TAF2: variants seen among roughly 807,000 people sequenced by gnomAD.
TAF2 encodes the protein TATA-box binding protein associated factor 2.
TAF2 carries 61 observed loss-of-function variants against 138.5 expected under a neutral mutation model. That is an observed-to-expected ratio of 0.44 (90% confidence interval 0.36 to 0.54). TAF2 has a LOEUF of 0.54. Ranked by LOEUF, TAF2 falls within the 20% of genes least tolerant of loss-of-function variation. The probability of loss-of-function intolerance (pLI) is 0.00; values close to 1 mark genes in which losing one functional copy is unlikely to be tolerated. For synonymous variants in TAF2, 475 were observed against 469.9 expected (o/e 1.01, Z -0.14); for missense variants, 1,090 against 1,427.9 (o/e 0.76, Z 3.81).
Position 119,744,651 on chromosome 8 carries a change from G to A in TAF2, c.3109-258C>T, listed in dbSNP as rs529055829. Reference sequence around the variant, plus strand: ...TACTCCTATTTTGTGAGAAAAAGTAGTGAGTTGTGGTGGAACGTGCACACA... The same window carrying A: ...TACTCCTATTTTGTGAGAAAAAGTAATGAGTTGTGGTGGAACGTGCACACA... On this transcript the variant is annotated intron_variant, in intron 23 of 25. Coordinates refer to ENST00000378164, the MANE Select transcript of TAF2 (RefSeq NM_003184.4). 349 of 487,680 alleles carry A rather than the reference G, an allele frequency of 7.2e-4. 4 individuals are homozygous for A. The highest frequency in any genetic ancestry group is 7.1e-3 in the South Asian group (334 of 47,346). 30.2% of individuals were successfully genotyped at this position (487,680 alleles called of 1,614,324 possible).
chr8:119,788,991 A>T (rs1823230474), intron 12 of TAF2, 87 bp from the exon 13 acceptor site: 1 of 895,422 alleles, frequency 1.1e-6, no homozygotes, highest in Non-Finnish European at 1.9e-6. Context: ...AATAATTTTC[A>T]AGTGCATTCC....
At chr8:119,816,272 T>C (rs1825469717) in intron 3 of TAF2, among the ~76,000 whole-genome samples, 2 of 151,710 alleles carry the variant, frequency 1.3e-5, no homozygotes, top group African/African-American at 4.8e-5. Context: ...TTAGCCAGGA[T>C]AGTCTCGATC....
intron 3 of TAF2, among the ~76,000 whole-genome samples, chr8:119,809,998 T>TAAAAAAAAAA (rs56281726): frequency 2.5e-5 from 3 of 117,672 alleles, no homozygotes; most frequent in Non-Finnish European, 3.5e-5. Context: ...CTTCAATTTG[T>TAAAAAAAAAA]AAAAAAAAAA....
chr8:119,817,458 C>A (rs556547726), intron 3 of TAF2, among the ~76,000 whole-genome samples: 1 of 152,300 alleles, frequency 6.6e-6, no homozygotes, highest in African/African-American at 2.4e-5. Flanking sequence ...TCATCCAAAA[C>A]CCCCTCTGCC....
At chr8:119,773,008 T>A (rs1055293606) in intron 18 of TAF2, among the ~76,000 whole-genome samples, 1 of 149,646 alleles carries the variant, frequency 6.7e-6, no homozygotes, top group South Asian at 2.1e-4. Context: ...AAAGCACTTA[T>A]GGTACCAAGA....
At position 119,806,308 on chromosome 8, in the gene TAF2, T is replaced by G. The variant is rs1025627626; in HGVS notation, c.393A>C (p.Pro131=). Residue 131 remains proline, a synonymous_variant, in exon 4 of 26, where the codon CCA becomes CCC. Coordinates refer to ENST00000378164, the MANE Select transcript of TAF2 (RefSeq NM_003184.4). ...AGNGELCIKV[P]SELWKHVDEL... is the part of the protein sequence containing the mutation. ...CATCAACGTGTTTCCATAGCTCTGA[T>G]GGAACCTTAATGCAAAGTTCTCCAT... 1.2e-6 allele frequency: 2 copies of G among 1,613,938 alleles called. No individual in the cohort carries two copies. Among genetic ancestry groups the G allele is most frequent in the Non-Finnish European group, 1.7e-6 (2 of 1,179,964 alleles).
intron 3 of TAF2, among the ~76,000 whole-genome samples, chr8:119,809,750 A>G (rs1824907016): frequency 6.6e-6 from 1 of 152,204 alleles, no homozygotes; most frequent in South Asian, 2.1e-4. Flanking sequence ...GTCAGAACAC[A>G]CACAATGTTT....
In TAF2 at chr8:119,788,410, G is replaced by C; in HGVS notation, c.1721C>G (p.Ser574Cys). ...TTCAATTTGCAGTGTATGATTGAAGGATCCATCTAACTCCTGCACTGTCAC... is the reference window on the plus strand; with the variant it reads ...TTCAATTTGCAGTGTATGATTGAAGCATCCATCTAACTCCTGCACTGTCAC... Reference protein sequence around the residue: ...LKVTVQELDGSFNHTLQIEEN... With the variant: ...LKVTVQELDGCFNHTLQIEEN... The change falls in exon 14 of 26, where the codon TCC (serine) becomes TGC (cysteine). Residue 574 changes from serine (S) to cysteine (C), a missense_variant. This residue lies in a region of TAF2 where 504 missense variants were observed against 680.9 expected (regional missense o/e 0.74). Coordinates refer to ENST00000378164, the MANE Select transcript of TAF2 (RefSeq NM_003184.4). The C allele has an allele frequency of 6.2e-7, 1 of 1,613,120 alleles. No individual in the cohort carries two copies. The highest frequency in any genetic ancestry group is 8.5e-7 in the Non-Finnish European group (1 of 1,179,790).
chr8:119,760,264 A>G (rs1820972485), intron 20 of TAF2, among the ~76,000 whole-genome samples: 1 of 152,176 alleles, frequency 6.6e-6, no homozygotes, highest in Non-Finnish European at 1.5e-5. Context: ...TTTCACAGAC[A>G]CAAATTTTTA....
intron 8 of TAF2, among the ~76,000 whole-genome samples, chr8:119,796,350 G>C (rs1178122505): frequency 6.6e-6 from 1 of 151,894 alleles, no homozygotes; most frequent in East Asian, 1.9e-4. Context: ...ACTATATATA[G>C]TATAGAATGT....
intron 10 of TAF2, among the ~76,000 whole-genome samples, chr8:119,792,800 T>C (rs1823534164): frequency 6.6e-6 from 1 of 152,144 alleles, no homozygotes; most frequent in Non-Finnish European, 1.5e-5. Context: ...TGAGGACACA[T>C]TCTTTCCCGC....
Position 119,813,981 on chromosome 8 carries a change from G to A in TAF2, c.299+5365C>T, listed in dbSNP as rs530893451. Among the ~76,000 whole-genome samples, 18 of 152,020 alleles carry A rather than the reference G, an allele frequency of 1.2e-4. No homozygotes were observed. In the South Asian group the frequency reaches 2.3e-3, roughly 19 times the overall value. ...AAAATAAAAAATTAATTAATTAACC[G>A]AACGTGGTGGCATGCACATATTGTT... is the stretch of plus-strand genomic sequence containing the variant. On this transcript the variant is annotated intron_variant, in intron 3 of 25. Coordinates refer to ENST00000378164, the MANE Select transcript of TAF2 (RefSeq NM_003184.4).
chr8:119,781,540 C>T (rs1822653193), intron 16 of TAF2, among the ~76,000 whole-genome samples: 1 of 152,040 alleles, frequency 6.6e-6, no homozygotes, highest in African/African-American at 2.4e-5. Flanking sequence ...ATTAGCCGGG[C>T]ATGATGGCGG....
At chr8:119,778,198 T>A in intron 17 of TAF2, 69 bp from the exon 18 acceptor site, 1 of 941,754 alleles carries the variant, frequency 1.1e-6, no homozygotes, top group Non-Finnish European at 1.7e-6. Context: ...TTCATTGAAC[T>A]ATAAATAGAA....
intron 3 of TAF2, among the ~76,000 whole-genome samples, chr8:119,808,815 A>G (rs1586502121): frequency 6.6e-6 from 1 of 152,334 alleles, no homozygotes; most frequent in East Asian, 1.9e-4. Flanking sequence ...TCTGACCAGT[A>G]ATCTCAACAG....
chr8:119,789,773 T>A (rs1823287168), intron 11 of TAF2, 27 bp from the exon 12 acceptor site: 2 of 1,604,888 alleles, frequency 1.2e-6, no homozygotes, highest in East Asian at 4.5e-5. Context: ...ATTTAGTAAA[T>A]TCATATAACA....
At chr8:119,733,288 T>G (rs1472182936) in intron 25 of TAF2, among the ~76,000 whole-genome samples, 1 of 152,164 alleles carries the variant, frequency 6.6e-6, no homozygotes, top group African/African-American at 2.4e-5. Context: ...AAATGAACTC[T>G]AAGAAGATTC....
chr8:119,737,970 G>C (rs185227050), intron 25 of TAF2, among the ~76,000 whole-genome samples: 1 of 151,948 alleles, frequency 6.6e-6, no homozygotes, highest in Non-Finnish European at 1.5e-5. Context: ...GCAGTAACAG[G>C]AGAACAAATC....
chr8:119,736,441 ACT>A lies in TAF2; in HGVS notation c.3338-4257_3338-4256del, dbSNP rs573616316. On this transcript the variant is annotated intron_variant, in intron 25 of 25. Transcript: ENST00000378164. ...AGGAAGTTAAAATCTTGTCAAATGAACTCAGTCCAAAGATGGAACAAATTGAA... is the reference window on the plus strand; with the variant it reads ...AGGAAGTTAAAATCTTGTCAAATGAACAGTCCAAAGATGGAACAAATTGAA... Among the ~76,000 whole-genome samples the A allele has an allele frequency of 6.6e-4, 100 of 152,354 alleles. No homozygotes were observed. In the Middle Eastern group the frequency reaches 0.051, roughly 78 times the overall value.
Sources: allele counts gnomAD v4.1 joint callset (sites outside exome capture counted in the v4.1 genomes callset), GRCh38; gene constraint gnomAD v4.1.1; regional missense constraint gnomAD v4.1.1; transcripts MANE v1.5; gene names NCBI Gene and HGNC (gene_info 2026-07-23, HGNC 2026-07-21).